Variants in APLP1 observed in about 807,000 individuals in gnomAD.
APLP1 encodes amyloid beta (A4) precursor-like protein 1.
A neutral mutation model predicts 84.5 loss-of-function variants in APLP1; 46 were observed. The observed-to-expected ratio is 0.54, with a 90% CI of 0.43 to 0.70. The LOEUF is 0.70. Ranked by LOEUF, APLP1 falls within the 30% of genes least tolerant of loss-of-function variation. The probability of loss-of-function intolerance (pLI) is 0.00; values close to 1 mark genes in which losing one functional copy is unlikely to be tolerated. For missense variants in APLP1, 826 were observed against 900.2 expected (o/e 0.92, Z 1.05); for synonymous variants, 376 against 364.0 (o/e 1.03, Z -0.38).
rs1275318241 is a variant in APLP1, at chr19:35,877,766, C to T, written c.1493C>T (p.Pro498Leu). 6 of 1,608,506 alleles carry T rather than the reference C, an allele frequency of 3.7e-6. No homozygotes were observed. Among genetic ancestry groups the T allele is most frequent in the Non-Finnish European group, 4.2e-6 (5 of 1,178,622 alleles). ...EHLGPSELEA[P>L]APGGSSEDKG... Reference sequence around the variant, plus strand: ...CTGGGTCCCAGTGAATTGGAAGCCCCTGCCCCTGGGGGCAGCAGCGAGGAC... The same window carrying T: ...CTGGGTCCCAGTGAATTGGAAGCCCTTGCCCCTGGGGGCAGCAGCGAGGAC... The change falls in exon 12 of 17, where the codon CCT becomes CTT. Residue 498 changes from proline to leucine, a missense_variant. Transcript: ENST00000221891.
In APLP1 at chr19:35,878,719, G is replaced by C. The variant is rs375432388; in HGVS notation, c.1650+65G>C. 3.8e-6 allele frequency: 6 copies of C among 1,583,532 alleles called. No individual in the cohort carries two copies. The African/African-American group carries it at 6.7e-5, about 18-fold the overall frequency. Reference sequence around the variant, plus strand: ...GATCGGGGCCTATATGGCTGGGTACGAGGGAGGAGATGCTGGGGGCTTGGA... The same window carrying C: ...GATCGGGGCCTATATGGCTGGGTACCAGGGAGGAGATGCTGGGGGCTTGGA... On this transcript the variant is annotated intron_variant, in intron 14 of 16. Transcript: ENST00000221891.
intron 7 of APLP1, 34 bp from the exon 8 acceptor site, chr19:35,873,605 A>C: frequency 6.2e-7 from 1 of 1,611,166 alleles, no homozygotes; most frequent in Non-Finnish European, 8.5e-7. Context: ...ATCAGGGTGG[A>C]TTCTGGGATC....
At position 35,874,705 on chromosome 19, in the gene APLP1, C is replaced by T. The variant is rs1288599018; in HGVS notation, c.1216-36C>T. 3.7e-6 allele frequency: 6 copies of T among 1,612,364 alleles called. No homozygotes were observed. Among genetic ancestry groups the T allele is most frequent in the African/African-American group, 1.3e-5 (1 of 74,924 alleles). The stretch of plus-strand genomic sequence containing the variant: ...GCAGAGAGCAGAGGGTGAGAAGGGT[C>T]AGGGCGGGCTTGGGCATCCTGTGTC... On this transcript the variant is annotated intron_variant, in intron 9 of 16. Coordinates refer to ENST00000221891, the MANE Select transcript of APLP1 (RefSeq NM_001024807.3). The surrounding 1 kb of genome is among the most constrained non-coding windows in gnomAD (Gnocchi z 6.4).
In APLP1 at chr19:35,874,678, G is replaced by C. The variant is rs1450881059; in HGVS notation, c.1215+16G>C. ...TCCGCCTCAGGTGCGGGGACCGTGG[G>C]GGCAGAGAGCAGAGGGTGAGAAGGG... On this transcript the variant is annotated intron_variant, in intron 9 of 16. Transcript: ENST00000221891. This position sits in a 1 kb window ranked among gnomAD's most constrained non-coding sequence, Gnocchi z 6.4. 5.6e-6 allele frequency: 9 copies of C among 1,613,382 alleles called. No individual in the cohort carries two copies. Among genetic ancestry groups the C allele is most frequent in the Non-Finnish European group, 7.6e-6 (9 of 1,179,734 alleles).
rs748125214 is a variant in APLP1 at position 35,871,873 on chromosome 19, G to C, written c.687G>C (p.Arg229=). The change falls in exon 6 of 17, where the codon CGG becomes CGC. Residue 229 remains arginine, a synonymous_variant. Coordinates refer to ENST00000221891, the MANE Select transcript of APLP1 (RefSeq NM_001024807.3). The part of the protein sequence containing the change: ...SGTAVGDPST[R]SWPPGSRVEG... ...GCTCCCTCAGTGACCCCTCCACCCG[G>C]TCCTGGCCCCCGGGGAGCAGAGTAG... The C allele has an allele frequency of 2.5e-6, 4 of 1,614,054 alleles. No homozygotes were observed. The highest frequency in any genetic ancestry group is 3.4e-6 in the Non-Finnish European group (4 of 1,179,968).
chr19:35,870,089 A>G, intron 2 of APLP1: 1 of 475,452 alleles, frequency 2.1e-6, no homozygotes, highest in South Asian at 3.0e-5. Context: ...AGGCGGGGCT[A>G]AGACAGAAAG....
rs897849586 is a variant in APLP1 at position 35,879,464 on chromosome 19, G to C, written c.*23G>C. 1.9e-6 allele frequency: 3 copies of C among 1,607,470 alleles called. No individual in the cohort carries two copies. The highest frequency in any genetic ancestry group is 2.6e-6 in the Non-Finnish European group (3 of 1,176,002). On this transcript the variant is annotated 3_prime_UTR_variant, in exon 17 of 17. Coordinates refer to ENST00000221891, the MANE Select transcript of APLP1 (RefSeq NM_001024807.3). ...TGACCCGGCCCCCTTCACCCCTTCAGCCGAGCCCAGACCTCCCCTCTTCCT... is the reference window on the plus strand; with the variant it reads ...TGACCCGGCCCCCTTCACCCCTTCACCCGAGCCCAGACCTCCCCTCTTCCT...
intron 6 of APLP1, 138 bp from the exon 7 acceptor site, chr19:35,872,345 C>T (rs1974175006): frequency 8.3e-7 from 1 of 1,207,284 alleles, no homozygotes; most frequent in Admixed American, 2.2e-5. Context: ...ACTACATCTC[C>T]CATAATGCCA....
Position 35,872,052 on chromosome 19 carries a change from A to T in APLP1, c.850+16A>T, listed in dbSNP as rs1974167286. 1 of 1,610,956 alleles carries T rather than the reference A, an allele frequency of 6.2e-7. No individual in the cohort carries two copies. Among genetic ancestry groups the T allele is most frequent in the Middle Eastern group, 1.7e-4 (1 of 6,044 alleles). On this transcript the variant is annotated intron_variant, in intron 6 of 16. Transcript: ENST00000221891. ...GTCGGCAAAGGTGAGGCAGTCTCTG[A>T]ACCCCTGGGGCCTCTCCACCATAGA...
intron 7 of APLP1, among the ~76,000 whole-genome samples, chr19:35,873,142 G>A (rs1163921901): frequency 6.6e-6 from 1 of 151,616 alleles, no homozygotes; most frequent in East Asian, 1.9e-4. Flanking sequence ...TTACAGGCAT[G>A]AGCCACCACG....
In APLP1 at chr19:35,879,172, G is replaced by A; in HGVS notation, c.1812G>A (p.Leu604=). ...TCATCGTCCTCTCCATGCTGCTCCTGCGCAGGAAGAAGCCCTACGGGGCTA... is the reference window on the plus strand; with the variant it reads ...TCATCGTCCTCTCCATGCTGCTCCTACGCAGGAAGAAGCCCTACGGGGCTA... ...GSLIVLSMLL[L]RRKKPYGAIS... The change falls in exon 16 of 17, where the codon CTG becomes CTA. Residue 604 remains leucine (L), a synonymous_variant. Transcript: ENST00000221891. 1 of 1,613,050 alleles carries A rather than the reference G, an allele frequency of 6.2e-7. No homozygotes were observed. The highest frequency in any genetic ancestry group is 8.5e-7 in the Non-Finnish European group (1 of 1,180,020).
At position 35,874,489 on chromosome 19, in the gene APLP1, C is replaced by T. The variant is rs750732224; in HGVS notation, c.1057-15C>T. 1.2e-6 allele frequency: 2 copies of T among 1,613,544 alleles called. No homozygotes were observed. Among genetic ancestry groups the T allele is most frequent in the Non-Finnish European group, 1.7e-6 (2 of 1,179,552 alleles). On this transcript the variant is annotated splice_polypyrimidine_tract_variant and intron_variant, in intron 8 of 16. Coordinates refer to ENST00000221891, the MANE Select transcript of APLP1 (RefSeq NM_001024807.3). This position sits in a 1 kb window ranked among gnomAD's most constrained non-coding sequence, Gnocchi z 6.4. The stretch of plus-strand genomic sequence containing the variant: ...ATCTTCTCCTCTCCTGACCCTGTGC[C>T]CACCCGCTCCCCAGCACTTCCAGTC...
Position 35,872,500 on chromosome 19 carries a change from C to G in APLP1, c.868C>G (p.Pro290Ala), listed in dbSNP as rs1216434053. 1 of 1,613,254 alleles carries G rather than the reference C, an allele frequency of 6.2e-7. No homozygotes were observed. Among genetic ancestry groups the G allele is most frequent in the Middle Eastern group, 1.7e-4 (1 of 5,728 alleles). ...TCTTGCAGTCACTCCCACCCCGAGGCCCACAGACGGTGTGGATATTTACTT... is the reference window on the plus strand; with the variant it reads ...TCTTGCAGTCACTCCCACCCCGAGGGCCACAGACGGTGTGGATATTTACTT... ...VVGKVTPTPR[P>A]TDGVDIYFGM... The change falls in exon 7 of 17, where the codon CCC becomes GCC. Residue 290 changes from proline to alanine, a missense_variant. Physicochemically the swap from Pro to Ala is conservative, Grantham distance 27. Coordinates refer to ENST00000221891, the MANE Select transcript of APLP1 (RefSeq NM_001024807.3).
chr19:35,873,237 C>T (rs1294570869), intron 7 of APLP1, among the ~76,000 whole-genome samples: 9 of 148,892 alleles, frequency 6.0e-5, no homozygotes, highest in Admixed American at 4.0e-4. Context: ...GATCTGGGGC[C>T]TTTAAATCTT....
At chr19:35,871,788 A>AGATG (rs1641997906) in intron 5 of APLP1, 43 bp downstream of exon 5, 1 of 1,613,472 alleles carries the variant, frequency 6.2e-7, no homozygotes, top group African/African-American at 1.3e-5. Context: ...AAGGTTCCTG[A>AGATG]GGCAGGGGAT....
intron 2 of APLP1, 130 bp from the exon 3 acceptor site, chr19:35,870,766 A>G: frequency 2.3e-6 from 3 of 1,326,030 alleles, no homozygotes; most frequent in Non-Finnish European, 3.0e-6. Context: ...CCTGGGCGAC[A>G]AGAGCAAATC....
At chr19:35,878,369 G>C (rs1228398081) in intron 13 of APLP1, 1 of 639,500 alleles carries the variant, frequency 1.6e-6, no homozygotes, top group African/African-American at 1.8e-5. Context: ...AACATAATGA[G>C]ACCCTGTACC....
rs1174221966 is a variant in APLP1 at position 35,871,875 on chromosome 19, C to A, written c.689C>A (p.Ser230Tyr). 6.2e-7 allele frequency: 1 copy of A among 1,614,072 alleles called. No individual in the cohort carries two copies. Residue 230 changes from serine to tyrosine, a missense_variant, in exon 6 of 17, where the codon TCC becomes TAC. Ser to Tyr is a moderately radical substitution (Grantham distance 144). Around this residue, in one of 3 missense-constraint regions of APLP1, gnomAD observed 383 missense variants for 378.3 expected, o/e 1.01. Transcript: ENST00000221891. ...GTAVGDPSTR[S>Y]WPPGSRVEGA... ...TCCCTCAGTGACCCCTCCACCCGGT[C>A]CTGGCCCCCGGGGAGCAGAGTAGAG...
At chr19:35,870,529 AT>A (rs1168409171) in intron 2 of APLP1, 1 of 227,162 alleles carries the variant, frequency 4.4e-6, no homozygotes, top group East Asian at 1.4e-4. Flanking sequence ...CACGCCTGTA[AT>A]CGCAGCACTT....
Sources: gnomAD v4.1 joint callset for allele counts (sites outside exome capture counted in the v4.1 genomes callset) on GRCh38, gnomAD v4.1.1 for gene constraint, gnomAD v4.1.1 regional missense constraint, Gnocchi (gnomAD v3.1) non-coding constraint, MANE v1.5 for transcripts, NCBI Gene and HGNC (gene_info 2026-07-23, HGNC 2026-07-21) for gene names.